SEL1L3: variants seen among roughly 807,000 people sequenced by gnomAD.
The protein encoded by SEL1L3 is protein sel-1 homolog 3.
A neutral mutation model predicts 142.8 loss-of-function variants in SEL1L3; 76 were observed. The observed-to-expected ratio is 0.53, with a 90% CI of 0.44 to 0.64. The LOEUF is 0.64. Among genes scored for constraint, SEL1L3 ranks in the 30% least tolerant of loss-of-function variants. The pLI is 0.00. For synonymous variants in SEL1L3, 504 were observed against 519.6 expected, an observed-to-expected ratio of 0.97 and a Z score of 0.41; for missense variants, 1,262 against 1,381.7, an observed-to-expected ratio of 0.91 and a Z score of 1.37.
the SEL1L3 span, among the ~76,000 whole-genome samples, chr4:25,741,409 T>C: frequency 6.6e-5 from 10 of 152,280 alleles, no homozygotes; most frequent in Admixed American, 6.5e-4. Context: ...CCATATTACC[T>C]GTATTTCTAA....
intron 11 of SEL1L3, among the ~76,000 whole-genome samples, chr4:25,792,655 T>C (rs1273856819): frequency 1.3e-5 from 2 of 152,218 alleles, no homozygotes; most frequent in African/African-American, 2.4e-5. Context: ...TAGGTCTTTC[T>C]AGCTTATTGC....
intron 23 of SEL1L3, 164 bp downstream of exon 23, chr4:25,757,370 G>C: frequency 1.6e-6 from 1 of 607,972 alleles, no homozygotes. Context: ...CCTCTAGAAG[G>C]ATTCCCACCC....
the SEL1L3 span, among the ~76,000 whole-genome samples, chr4:25,726,251 C>G: frequency 6.6e-6 from 1 of 151,500 alleles, no homozygotes; most frequent in African/African-American, 2.4e-5. Context: ...AAAATTTGGC[C>G]TGGCACGATG....
intron 17 of SEL1L3, 36 bp from the exon 18 acceptor site, chr4:25,767,866 T>A (rs1278209795): frequency 8.1e-7 from 1 of 1,235,262 alleles, no homozygotes; most frequent in East Asian, 2.5e-5. Flanking sequence ...TTTCATATAG[T>A]GGCTCTTACT....
At chr4:25,822,159 T>A in intron 6 of SEL1L3, 31 bp from the exon 7 acceptor site, 1 of 1,612,730 alleles carries the variant, frequency 6.2e-7, no homozygotes, top group Non-Finnish European at 8.5e-7. Flanking sequence ...TTAAGAGAGC[T>A]CCATGCCGGA....
At chr4:25,823,654 C>A (rs1252556173) in intron 6 of SEL1L3, among the ~76,000 whole-genome samples, 2 of 151,932 alleles carry the variant, frequency 1.3e-5, no homozygotes, top group Admixed American at 6.6e-5. Context: ...GGAGTGAGGG[C>A]TAAGACAGGT....
At chr4:25,793,354 C>T (rs577036978) in intron 11 of SEL1L3, among the ~76,000 whole-genome samples, 1 of 152,284 alleles carries the variant, frequency 6.6e-6, no homozygotes, top group Admixed American at 6.5e-5. Flanking sequence ...ACGATCATGG[C>T]TCACTGCAGG....
At chr4:25,737,275 G>A in the SEL1L3 span, among the ~76,000 whole-genome samples, 9 of 152,130 alleles carry the variant, frequency 5.9e-5, no homozygotes, top group Admixed American at 3.9e-4. Flanking sequence ...GAGTCACCAC[G>A]CCCAGCCTCA....
intron 9 of SEL1L3, among the ~76,000 whole-genome samples, chr4:25,806,102 G>A (rs1478862278): frequency 6.7e-6 from 1 of 148,710 alleles, no homozygotes; most frequent in Non-Finnish European, 1.5e-5. Context: ...GCAGTGGCGC[G>A]ATCTCGGTTC....
chr4:25,778,062 T>G (rs1026917017), intron 16 of SEL1L3, among the ~76,000 whole-genome samples: 5 of 152,242 alleles, frequency 3.3e-5, no homozygotes, highest in Non-Finnish European at 5.9e-5. Flanking sequence ...GGTCATGGTT[T>G]GACAACTCCT....
rs1422908103 is a variant in SEL1L3, at chr4:25,816,597, C to A, written c.1564+1541G>T. On this transcript the variant is annotated intron_variant, in intron 9 of 23. Coordinates refer to ENST00000399878, the MANE Select transcript of SEL1L3 (RefSeq NM_015187.5). ...TCCAGCTCCACCCGCTTCTAATTCA[C>A]CTCCCTGCCATTCACTGCCACCAGA... Among the ~76,000 whole-genome samples the A allele has an allele frequency of 5.3e-5, 8 of 152,310 alleles. No individual in the cohort carries two copies. The East Asian group carries it at 1.2e-3, about 22-fold the overall frequency.
chr4:25,729,371 C>A, the SEL1L3 span, among the ~76,000 whole-genome samples: 1 of 152,164 alleles, frequency 6.6e-6, no homozygotes, highest in African/African-American at 2.4e-5. Context: ...CACGCATGCA[C>A]GTGACCACCC....
intron 17 of SEL1L3, among the ~76,000 whole-genome samples, chr4:25,768,865 A>G (rs1168237384): frequency 6.6e-6 from 1 of 152,186 alleles, no homozygotes; most frequent in Non-Finnish European, 1.5e-5. Context: ...AAACAAAAAT[A>G]TAACTGAACA....
At chr4:25,751,658 T>A (rs925628767) in intron 23 of SEL1L3, among the ~76,000 whole-genome samples, 1 of 148,892 alleles carries the variant, frequency 6.7e-6, no homozygotes, top group Non-Finnish European at 1.5e-5. Flanking sequence ...TTTATATATA[T>A]AAATAAATAT....
At chr4:25,784,094 G>A (rs1053368701) in intron 14 of SEL1L3, 134 bp downstream of exon 14, 3 of 738,414 alleles carry the variant, frequency 4.1e-6, no homozygotes, top group South Asian at 1.6e-5. Context: ...CCGTGCTGGC[G>A]ACCAACTGCT....
At chr4:25,851,745 C>T (rs945522742) in intron 1 of SEL1L3, among the ~76,000 whole-genome samples, 4 of 151,818 alleles carry the variant, frequency 2.6e-5, no homozygotes, top group African/African-American at 4.8e-5. Context: ...AAATATTAAC[C>T]GGGCGTGGTG....
chr4:25,724,986 A>G, the SEL1L3 span, among the ~76,000 whole-genome samples: 1 of 151,918 alleles, frequency 6.6e-6, no homozygotes, highest in Non-Finnish European at 1.5e-5. Context: ...GTCCCACTGA[A>G]CAGCAGTCAA....
At chr4:25,806,549 G>T (rs1713590766) in intron 9 of SEL1L3, among the ~76,000 whole-genome samples, 1 of 152,120 alleles carries the variant, frequency 6.6e-6, no homozygotes, top group Non-Finnish European at 1.5e-5. Context: ...CGTTGTCAAT[G>T]AGCGGGAACT....
chr4:25,823,629 A>G (rs1479677891), intron 6 of SEL1L3, among the ~76,000 whole-genome samples: 1 of 152,180 alleles, frequency 6.6e-6, no homozygotes, highest in Non-Finnish European at 1.5e-5. Context: ...ATCAGAGCAT[A>G]TGTGAACAGT....
Sources: gnomAD v4.1 joint callset for allele counts (sites outside exome capture counted in the v4.1 genomes callset) on GRCh38, gnomAD v4.1.1 for gene constraint, MANE v1.5 for transcripts, NCBI Gene and HGNC (gene_info 2026-07-23, HGNC 2026-07-21) for gene names.